The following ZDHHC2 variants were observed in gnomAD, a reference collection of about 807,000 sequenced individuals.
The protein encoded by ZDHHC2 is zDHHC palmitoyltransferase 2, also known as palmitoyltransferase ZDHHC2.
ZDHHC2 carries 51 observed loss-of-function variants against 55.6 expected under a neutral mutation model. The ratio of observed to expected loss-of-function variants is 0.92; its 90% confidence interval spans 0.73 to 1.16. The LOEUF (loss-of-function observed/expected upper bound fraction) is 1.16. ZDHHC2 is among the 50% of genes most tolerant of loss of function. ZDHHC2 has a pLI of 0.00. For missense variants in ZDHHC2, 491 were observed against 442.4 expected (o/e 1.11, Z -0.99); for synonymous variants, 199 against 152.9 (o/e 1.30, Z -2.22).
chr8:17,217,366 C>T, intron 12 of ZDHHC2, 120 bp downstream of exon 12: 1 of 745,634 alleles, frequency 1.3e-6, no homozygotes, highest in Non-Finnish European at 2.1e-6. Flanking sequence ...AGATCTTTTA[C>T]CTGACTTGTG....
At position 17,222,857 on chromosome 8, in the gene ZDHHC2, A is replaced by G. The variant is rs1807979313; in HGVS notation, c.*2636A>G. The G allele has an allele frequency of 6.6e-6, 1 of 151,930 alleles. No individual in the cohort carries two copies. Among genetic ancestry groups the G allele is most frequent in the South Asian group, 2.1e-4 (1 of 4,834 alleles). The allele number at this position is 151,930 out of a possible 1,614,324, so 9.4% of individuals were successfully genotyped here. A position where few individuals can be genotyped will look rare whatever the true frequency, so the allele number is the denominator to read the frequency against. On this transcript the variant is annotated 3_prime_UTR_variant, in exon 13 of 13. Coordinates refer to ENST00000262096, the MANE Select transcript of ZDHHC2 (RefSeq NM_016353.5). ...CAAAATTCATGTCTTCAATGTGGCC[A>G]TAACATAGGTCTTGGGAGGGGTGGT... is the stretch of plus-strand genomic sequence containing the variant.
intron 8 of ZDHHC2, among the ~76,000 whole-genome samples, chr8:17,208,957 A>C (rs1807238791): frequency 6.6e-6 from 1 of 152,156 alleles, no homozygotes; most frequent in South Asian, 2.1e-4. Flanking sequence ...GGATCTTGCA[A>C]ATGACCACAT....
chr8:17,181,845 ATATT>A (rs764870892), intron 1 of ZDHHC2, among the ~76,000 whole-genome samples: 20 of 152,182 alleles, frequency 1.3e-4, no homozygotes, highest in Non-Finnish European at 2.5e-4. Flanking sequence ...ATATACATAA[ATATT>A]AGAAAAGTGT....
chr8:17,218,250 CATT>C (rs1420251574), intron 12 of ZDHHC2, among the ~76,000 whole-genome samples: 1 of 152,088 alleles, frequency 6.6e-6, no homozygotes, highest in African/African-American at 2.4e-5. Context: ...ATAGCAAAGA[CATT>C]ATTAAATTTC....
intron 1 of ZDHHC2, among the ~76,000 whole-genome samples, chr8:17,173,589 G>A (rs903312680): frequency 6.6e-6 from 1 of 151,490 alleles, no homozygotes; most frequent in Non-Finnish European, 1.5e-5. Context: ...AGGCTGAGGC[G>A]GAAAGATTGA....
Position 17,175,323 on chromosome 8 carries a change from C to G in ZDHHC2, c.131-9466C>G, listed in dbSNP as rs560302757. 7.9e-5 allele frequency among the ~76,000 whole-genome samples: 12 copies of G among 152,262 alleles called. No homozygotes were observed. In the South Asian group the frequency reaches 2.5e-3, roughly 32 times the overall value. ...AAATTTACTGGTTTAGTTTTTTTCT[C>G]ATTCTACTAATTCACCCACATTGTA... On this transcript the variant is annotated intron_variant, in intron 1 of 12. Transcript: ENST00000262096.
chr8:17,197,854 T>G (rs762771227), intron 5 of ZDHHC2, among the ~76,000 whole-genome samples: 1 of 152,242 alleles, frequency 6.6e-6, no homozygotes, highest in Non-Finnish European at 1.5e-5. Context: ...TGCCCCCAGA[T>G]TCACGGTGCC....
chr8:17,194,544 T>C (rs1486438632), intron 3 of ZDHHC2, among the ~76,000 whole-genome samples: 1 of 152,002 alleles, frequency 6.6e-6, no homozygotes, highest in African/African-American at 2.4e-5. Flanking sequence ...TATTCTTTCT[T>C]CTTTATAATT....
rs1806058292 is a variant in ZDHHC2, at chr8:17,192,032, G to T, written c.253-3472G>T. Among the ~76,000 whole-genome samples, 3 of 152,114 alleles carry T rather than the reference G, an allele frequency of 2.0e-5. No individual in the cohort carries two copies. In the South Asian group the frequency reaches 6.2e-4, roughly 32 times the overall value. ...AAGGTCTTGCTCTGTTGGCCAGGCTGGTGTGCAGTGCTGCAATCACAGCTC... is the reference window on the plus strand; with the variant it reads ...AAGGTCTTGCTCTGTTGGCCAGGCTTGTGTGCAGTGCTGCAATCACAGCTC... On this transcript the variant is annotated intron_variant, in intron 3 of 12. Coordinates refer to ENST00000262096, the MANE Select transcript of ZDHHC2 (RefSeq NM_016353.5).
chr8:17,202,596 A>G (rs1233633559), intron 6 of ZDHHC2, among the ~76,000 whole-genome samples: 4 of 152,174 alleles, frequency 2.6e-5, no homozygotes, highest in Admixed American at 1.3e-4. Flanking sequence ...TAGATTCAGA[A>G]TAAGTCTTCT....
At chr8:17,166,029 AG>A (rs1367513385) in intron 1 of ZDHHC2, among the ~76,000 whole-genome samples, 3 of 152,194 alleles carry the variant, frequency 2.0e-5, no homozygotes, top group African/African-American at 7.2e-5. Flanking sequence ...GTGGGGAGAA[AG>A]CAGAGATCAT....
In ZDHHC2 at chr8:17,199,616, T is replaced by TG. The variant is rs1563161730; in HGVS notation, c.476+1203_476+1204insG. On this transcript the variant is annotated intron_variant, in intron 6 of 12. Transcript: ENST00000262096. Reference sequence around the variant, plus strand: ...TCTTCTTCTTTATTCTTTCTTCTTCTTCTTCTTCCTTTCTTCTTCTTCTCC... The same window carrying TG: ...TCTTCTTCTTTATTCTTTCTTCTTCTGTCTTCTTCCTTTCTTCTTCTTCTCC... Among the ~76,000 whole-genome samples the TG allele has an allele frequency of 4.1e-4, 22 of 53,612 alleles. 1 individual carries two copies. The highest frequency in any genetic ancestry group is 2.7e-3 in the South Asian group (4 of 1,474). The allele number at this position is 53,612 out of a possible 152,430, so 35.2% of individuals were successfully genotyped here.
At chr8:17,165,685 A>G (rs1414785962) in intron 1 of ZDHHC2, among the ~76,000 whole-genome samples, 2 of 152,240 alleles carry the variant, frequency 1.3e-5, no homozygotes, top group African/African-American at 2.4e-5. Flanking sequence ...AATAAAAAAC[A>G]TAAGTACATT....
At chr8:17,197,250 T>A (rs1806364747) in intron 4 of ZDHHC2, among the ~76,000 whole-genome samples, 1 of 152,152 alleles carries the variant, frequency 6.6e-6, no homozygotes. Flanking sequence ...AAGAAATAAA[T>A]TGGTTTAATT....
In ZDHHC2 at chr8:17,220,706, A is replaced by C. The variant is rs1807884030; in HGVS notation, c.*485A>C. ...TAAGAAGGTGGAAGTGGCAAACCAT[A>C]CTTCTTTTTTTTCCTCTGATGTGAA... On this transcript the variant is annotated 3_prime_UTR_variant, in exon 13 of 13. Transcript: ENST00000262096. 6.6e-6 allele frequency: 1 copy of C among 152,168 alleles called. No homozygotes were observed. Among genetic ancestry groups the C allele is most frequent in the South Asian group, 2.1e-4 (1 of 4,832 alleles). The allele number at this position is 152,168 out of a possible 1,614,324, so 9.4% of individuals were successfully genotyped here.
Position 17,210,171 on chromosome 8 carries a change from T to G in ZDHHC2, c.857+113T>G, listed in dbSNP as rs1047475388. ...GCTTGTAATTCTGTGTAGGAACTCT[T>G]ATTTTTAAAAAATATTATTCTATGA... is the stretch of plus-strand genomic sequence containing the variant. On this transcript the variant is annotated intron_variant, in intron 9 of 12. Coordinates refer to ENST00000262096, the MANE Select transcript of ZDHHC2 (RefSeq NM_016353.5). 25 of 1,275,006 alleles carry G rather than the reference T, an allele frequency of 2.0e-5. No individual in the cohort carries two copies. In the African/African-American group the frequency reaches 3.5e-4, roughly 18 times the overall value. 79.0% of individuals were successfully genotyped at this position (1,275,006 alleles called of 1,614,324 possible). A position where few individuals can be genotyped will look rare whatever the true frequency, so the allele number is the denominator to read the frequency against.
At chr8:17,176,716 A>C (rs183210053) in intron 1 of ZDHHC2, among the ~76,000 whole-genome samples, 78 of 152,244 alleles carry the variant, frequency 5.1e-4, no homozygotes, top group African/African-American at 1.8e-3. Flanking sequence ...AGAGTGACAG[A>C]AGCATCATGC....
rs116207182 is a variant in ZDHHC2, at chr8:17,180,690, C to T, written c.131-4099C>T. On this transcript the variant is annotated intron_variant, in intron 1 of 12. Coordinates refer to ENST00000262096, the MANE Select transcript of ZDHHC2 (RefSeq NM_016353.5). ...TAATGCTACTGCTGCAGCAATCACC[C>T]TCATTTTGTAGTGGAATAAGTGGGA... Among the ~76,000 whole-genome samples the T allele has an allele frequency of 3.4e-3, 514 of 152,300 alleles. 3 individuals are homozygous for T. The highest frequency in any genetic ancestry group is 0.012 in the African/African-American group (492 of 41,576).
In ZDHHC2 at chr8:17,156,714, C is replaced by T; in HGVS notation, c.-10C>T. On this transcript the variant is annotated 5_prime_UTR_variant, in exon 1 of 13. Transcript: ENST00000262096. ...GGCGGCGGAGCTGGGCAGGTGGATG[C>T]GGCTGGAAGATGGCGCCCTCGGGCC... The T allele has an allele frequency of 2.9e-5, 43 of 1,458,300 alleles. No homozygotes were observed. The highest frequency in any genetic ancestry group is 3.9e-5 in the Non-Finnish European group (43 of 1,101,684). 90.3% of individuals were successfully genotyped at this position (1,458,300 alleles called of 1,614,324 possible).
Sources: allele counts gnomAD v4.1 joint callset (sites outside exome capture counted in the v4.1 genomes callset), GRCh38; gene constraint gnomAD v4.1.1; transcripts MANE v1.5; gene names NCBI Gene and HGNC (gene_info 2026-07-23, HGNC 2026-07-21).